The following CCDC178 variants were observed in gnomAD, a reference collection of about 807,000 sequenced individuals.
CCDC178 encodes the protein coiled-coil domain-containing protein 178.
CCDC178 carries 126 observed loss-of-function variants against 117.4 expected under a neutral mutation model. The observed-to-expected ratio is 1.07, with a 90% CI of 0.93 to 1.24. CCDC178 has a LOEUF of 1.24. CCDC178 is among the 50% of genes most tolerant of loss of function. The pLI is 0.00. For missense variants in CCDC178, 1,030 were observed against 986.9 expected, an observed-to-expected ratio of 1.04 and a Z score of -0.59; for synonymous variants, 283 against 313.4, an observed-to-expected ratio of 0.90 and a Z score of 1.02.
At chr18:32,942,168 T>C (rs921444187) in intron 22 of CCDC178, among the ~76,000 whole-genome samples, 3 of 152,116 alleles carry the variant, frequency 2.0e-5, no homozygotes, top group South Asian at 2.1e-4. Context: ...TGCCCCAGTG[T>C]TTTGGAAGGG....
chr18:33,297,331 T>C (rs907637399), intron 11 of CCDC178, among the ~76,000 whole-genome samples: 1 of 151,140 alleles, frequency 6.6e-6, no homozygotes, highest in Non-Finnish European at 1.5e-5. Flanking sequence ...GAAATAAAGA[T>C]CAAAAGCAGA....
intron 20 of CCDC178, among the ~76,000 whole-genome samples, chr18:33,102,035 A>C (rs550154537): frequency 2.6e-5 from 4 of 152,072 alleles, no homozygotes; most frequent in African/African-American, 7.2e-5. Flanking sequence ...ATTATATACA[A>C]AATAACAGAG....
At chr18:33,006,628 T>A (rs1447457191) in intron 21 of CCDC178, among the ~76,000 whole-genome samples, 2 of 152,016 alleles carry the variant, frequency 1.3e-5, no homozygotes, top group African/African-American at 4.8e-5. Flanking sequence ...ATGGGCAGAA[T>A]CTCTGGCTTG....
chr18:32,977,527 G>A lies in CCDC178; in HGVS notation c.2389-2846C>T, dbSNP rs187330982. Among the ~76,000 whole-genome samples the A allele has an allele frequency of 2.7e-3, 415 of 152,174 alleles. 2 individuals are homozygous for A. Among genetic ancestry groups the A allele is most frequent in the Non-Finnish European group, 5.1e-3 (345 of 67,968 alleles). On this transcript the variant is annotated intron_variant, in intron 21 of 22. Coordinates refer to ENST00000383096, the MANE Select transcript of CCDC178 (RefSeq NM_001105528.4). Reference sequence around the variant, plus strand: ...TACTTTACTAGTTCGTTGTAATTTGGAATTTTTAAGACAACAACAAATGGG... The same window carrying A: ...TACTTTACTAGTTCGTTGTAATTTGAAATTTTTAAGACAACAACAAATGGG...
chr18:33,063,013 C>G (rs1041796394), intron 21 of CCDC178, among the ~76,000 whole-genome samples: 1 of 152,162 alleles, frequency 6.6e-6, no homozygotes, highest in Non-Finnish European at 1.5e-5. Flanking sequence ...GCCATCTGCC[C>G]TGGGCCACTG....
At chr18:33,315,444 C>G (rs1199971429) in intron 11 of CCDC178, among the ~76,000 whole-genome samples, 3 of 152,168 alleles carry the variant, frequency 2.0e-5, no homozygotes, top group Non-Finnish European at 4.4e-5. Context: ...CCTGATTTCA[C>G]CCGGTTTCTA....
At chr18:33,118,078 T>C (rs1356282527) in intron 20 of CCDC178, among the ~76,000 whole-genome samples, 3 of 152,078 alleles carry the variant, frequency 2.0e-5, no homozygotes, top group African/African-American at 7.2e-5. Context: ...TTTTTCTGAC[T>C]AGTGAATTCA....
At chr18:33,364,778 G>A (rs1413138539) in intron 6 of CCDC178, among the ~76,000 whole-genome samples, 1 of 142,902 alleles carries the variant, frequency 7.0e-6, no homozygotes, top group Non-Finnish European at 1.5e-5. Flanking sequence ...CTGTAAGGTA[G>A]AAGATTTAGA....
At chr18:33,060,240 T>C (rs2056901220) in intron 21 of CCDC178, among the ~76,000 whole-genome samples, 1 of 152,136 alleles carries the variant, frequency 6.6e-6, no homozygotes. Context: ...GAGTTTCTGG[T>C]TGACAAATGA....
At chr18:33,062,683 C>T (rs2056943796) in intron 21 of CCDC178, among the ~76,000 whole-genome samples, 1 of 152,140 alleles carries the variant, frequency 6.6e-6, no homozygotes, top group Non-Finnish European at 1.5e-5. Context: ...CATGTGATGG[C>T]ATTGTTTCAG....
In CCDC178 at chr18:33,324,271, T is replaced by G. The variant is rs78359779; in HGVS notation, c.880-638A>C. On this transcript the variant is annotated intron_variant, in intron 10 of 22. Transcript: ENST00000383096. Reference sequence around the variant, plus strand: ...CACACATACTCATGATTTAACTCATTGTCAATTATATGAGCATTATGCACA... The same window carrying G: ...CACACATACTCATGATTTAACTCATGGTCAATTATATGAGCATTATGCACA... 1.6e-3 allele frequency among the ~76,000 whole-genome samples: 238 copies of G among 151,998 alleles called. 2 individuals are homozygous for G. The East Asian group carries it at 0.022, about 14-fold the overall frequency.
chr18:33,342,390 T>G (rs183418443), intron 9 of CCDC178, among the ~76,000 whole-genome samples: 78 of 152,336 alleles, frequency 5.1e-4, no homozygotes, highest in Non-Finnish European at 1.0e-3. Context: ...GATAGATATG[T>G]TGTTCACTAC....
At chr18:33,438,703 A>G (rs1386772801) in intron 2 of CCDC178, among the ~76,000 whole-genome samples, 1 of 151,976 alleles carries the variant, frequency 6.6e-6, no homozygotes. Context: ...AATCAGTCCA[A>G]TTCTCTCCCT....
At chr18:33,186,604 G>C (rs1052624903) in intron 20 of CCDC178, among the ~76,000 whole-genome samples, 1 of 151,996 alleles carries the variant, frequency 6.6e-6, no homozygotes, top group Non-Finnish European at 1.5e-5. Flanking sequence ...TCTCCTCCCT[G>C]AGTTTCCTTG....
intron 11 of CCDC178, among the ~76,000 whole-genome samples, chr18:33,317,976 T>A (rs1219294102): frequency 6.6e-6 from 1 of 151,994 alleles, no homozygotes; most frequent in Non-Finnish European, 1.5e-5. Context: ...CCGTGACCAT[T>A]GCCAATCCTC....
intron 21 of CCDC178, among the ~76,000 whole-genome samples, chr18:33,021,033 T>C (rs2056106244): frequency 6.6e-6 from 1 of 152,166 alleles, no homozygotes; most frequent in South Asian, 2.1e-4. Flanking sequence ...CAGAGACTGG[T>C]GGTATCACAA....
intron 12 of CCDC178, among the ~76,000 whole-genome samples, chr18:33,288,198 T>C (rs1280788638): frequency 6.6e-6 from 1 of 150,974 alleles, no homozygotes; most frequent in Non-Finnish European, 1.5e-5. Context: ...CATTTACCTT[T>C]ACTTCCCTAC....
Position 33,152,009 on chromosome 18 carries a change from T to A in CCDC178, c.2239-59099A>T, listed in dbSNP as rs922387659. 3.3e-5 allele frequency among the ~76,000 whole-genome samples: 5 copies of A among 152,126 alleles called. No individual in the cohort carries two copies. The South Asian group carries it at 1.0e-3, about 31-fold the overall frequency. Reference sequence around the variant, plus strand: ...CAAACTAAGAGTGTGTATCTCAAGATCTGAACTATCCACCCAGCATTCAAC... The same window carrying A: ...CAAACTAAGAGTGTGTATCTCAAGAACTGAACTATCCACCCAGCATTCAAC... On this transcript the variant is annotated intron_variant, in intron 20 of 22. Transcript: ENST00000383096.
chr18:32,999,688 T>G (rs752338866), intron 21 of CCDC178, among the ~76,000 whole-genome samples: 6 of 151,848 alleles, frequency 4.0e-5, no homozygotes, highest in Non-Finnish European at 2.9e-5. Flanking sequence ...AGAACAAGAG[T>G]CTCTGCCTAA....
Sources: gnomAD v4.1 joint callset for allele counts (sites outside exome capture counted in the v4.1 genomes callset) on GRCh38, gnomAD v4.1.1 for gene constraint, MANE v1.5 for transcripts, NCBI Gene and HGNC (gene_info 2026-07-23, HGNC 2026-07-21) for gene names.